The following RGPD4 variants were observed in gnomAD, a reference collection of about 807,000 sequenced individuals.
The protein encoded by RGPD4 is RANBP2 like and GRIP domain containing 4, also known as ranBP2-like and GRIP domain-containing protein 4.
RGPD4 carries 84 observed loss-of-function variants against 141.1 expected under a neutral mutation model. That is an observed-to-expected ratio of 0.60 (90% CI 0.50 to 0.71). The LOEUF (loss-of-function observed/expected upper bound fraction) is 0.71. Ranked by LOEUF, RGPD4 falls within the 30% of genes least tolerant of loss-of-function variation. The pLI is 0.00. For synonymous variants in RGPD4, 298 were observed against 566.8 expected, an observed-to-expected ratio of 0.53 and a Z score of 6.74; for missense variants, 918 against 1,622.4, an observed-to-expected ratio of 0.57 and a Z score of 7.46.
In RGPD4 at chr2:107,876,485, G is replaced by C. The variant is rs188123853; in HGVS notation, c.4925-3483G>C. On this transcript the variant is annotated intron_variant, in intron 20 of 22. Transcript: ENST00000408999. ...ACTTTTTAAATAGAAACATTAGCTA[G>C]AGCAAGGAACTTAGAAACACTCAAG... Among the ~76,000 whole-genome samples the C allele has an allele frequency of 2.4e-3, 358 of 151,614 alleles. 3 individuals carry two copies. The highest frequency in any genetic ancestry group is 1.7e-3 in the Non-Finnish European group (118 of 67,926).
In RGPD4 at chr2:107,891,874, A is replaced by T. The variant is rs1325927322; in HGVS notation, c.*1143A>T. On this transcript the variant is annotated 3_prime_UTR_variant, in exon 23 of 23. Coordinates refer to ENST00000408999, the MANE Select transcript of RGPD4 (RefSeq NM_182588.3). The stretch of plus-strand genomic sequence containing the variant: ...CCTTAGAGGTCCGTGCTACATCTTC[A>T]CAGTTCCTCTGAATAACCTTAGGTG... Among the ~76,000 whole-genome samples the T allele has an allele frequency of 8.3e-6, 1 of 120,598 alleles. No homozygotes were observed. Among genetic ancestry groups the T allele is most frequent in the Non-Finnish European group, 1.8e-5 (1 of 54,262 alleles). 79.1% of individuals were successfully genotyped at this position (120,598 alleles called of 152,430 possible).
chr2:107,885,516 A>T (rs1348744180), intron 22 of RGPD4, among the ~76,000 whole-genome samples: 1 of 152,280 alleles, frequency 6.6e-6, no homozygotes, highest in Admixed American at 6.5e-5. Flanking sequence ...CCTAAGGGAT[A>T]CCAAGAACAG....
intron 17 of RGPD4, among the ~76,000 whole-genome samples, chr2:107,863,693 A>AT (rs1682635569): frequency 6.6e-6 from 1 of 151,668 alleles, no homozygotes; most frequent in Admixed American, 6.6e-5. Context: ...GAGTTTCACC[A>AT]TGTTGGCCAG....
At chr2:107,849,213 C>T (rs1473763774) in intron 7 of RGPD4, among the ~76,000 whole-genome samples, 1 of 75,416 alleles carries the variant, frequency 1.3e-5, no homozygotes, top group African/African-American at 6.0e-5. Flanking sequence ...TGCTACCAAG[C>T]CCAGCTAATT....
In RGPD4 at chr2:107,891,797, G is replaced by GT; in HGVS notation, c.*1071dup. Among the ~76,000 whole-genome samples the GT allele has an allele frequency of 7.6e-6, 1 of 132,078 alleles. No individual in the cohort carries two copies. Among genetic ancestry groups the GT allele is most frequent in the African/African-American group, 2.8e-5 (1 of 36,100 alleles). 86.6% of individuals were successfully genotyped at this position (132,078 alleles called of 152,430 possible). A position where few individuals can be genotyped will look rare whatever the true frequency, so the allele number is the denominator to read the frequency against. ...TAAATATAAAAGTGGTGCTTTCAGT[G>GT]TTTTTGGCAGATAGTGTTCCATAAG... On this transcript the variant is annotated 3_prime_UTR_variant, in exon 23 of 23. Transcript: ENST00000408999.
At chr2:107,866,990 C>A (rs1277519422) in intron 18 of RGPD4, among the ~76,000 whole-genome samples, 2 of 149,048 alleles carry the variant, frequency 1.3e-5, no homozygotes, top group Admixed American at 1.3e-4. Flanking sequence ...TGGCTATGTG[C>A]AAAAGTGCTT....
At chr2:107,844,604 G>A (rs551630902) in intron 6 of RGPD4, among the ~76,000 whole-genome samples, 5,042 of 143,888 alleles carry the variant, frequency 0.035, 144 homozygotes, top group African/African-American at 0.13. Context: ...CAGGGAGTAG[G>A]TAATTTTCTT....
At chr2:107,829,607 C>T (rs1317463484) in intron 1 of RGPD4, among the ~76,000 whole-genome samples, 3 of 150,262 alleles carry the variant, frequency 2.0e-5, no homozygotes, top group African/African-American at 2.5e-5. Flanking sequence ...TGCTCCCAGG[C>T]GGGCTCTGTT....
chr2:107,844,443 C>G (rs1480995705), intron 6 of RGPD4, among the ~76,000 whole-genome samples: 1 of 152,230 alleles, frequency 6.6e-6, no homozygotes, highest in East Asian at 1.9e-4. Context: ...TGAGTGGTTG[C>G]AGCAGAGATT....
At chr2:107,845,523 C>G (rs1342016949) in intron 6 of RGPD4, among the ~76,000 whole-genome samples, 1 of 150,786 alleles carries the variant, frequency 6.6e-6, no homozygotes. Context: ...AAGGGAGGAC[C>G]CTGAGGAAGA....
In RGPD4 at chr2:107,891,108, A is replaced by T. The variant is rs1675645594; in HGVS notation, c.*377A>T. Among the ~76,000 whole-genome samples the T allele has an allele frequency of 6.9e-6, 1 of 144,948 alleles. No homozygotes were observed. Among genetic ancestry groups the T allele is most frequent in the Non-Finnish European group, 1.5e-5 (1 of 66,754 alleles). On this transcript the variant is annotated 3_prime_UTR_variant, in exon 23 of 23. Coordinates refer to ENST00000408999, the MANE Select transcript of RGPD4 (RefSeq NM_182588.3). Reference sequence around the variant, plus strand: ...CGCCCATTTCTCGGCAGTACTGTGAATTTTGAAGTTAAACTAAATTTTGGT... The same window carrying T: ...CGCCCATTTCTCGGCAGTACTGTGATTTTTGAAGTTAAACTAAATTTTGGT...
intron 1 of RGPD4, among the ~76,000 whole-genome samples, chr2:107,831,353 G>T (rs917075083): frequency 1.4e-5 from 2 of 143,850 alleles, no homozygotes; most frequent in Non-Finnish European, 3.1e-5. Context: ...TTTTAGAATA[G>T]GGTCTTGCTA....
At chr2:107,865,730 A>C (rs2104475768) in intron 17 of RGPD4, among the ~76,000 whole-genome samples, 1 of 150,800 alleles carries the variant, frequency 6.6e-6, no homozygotes, top group East Asian at 1.9e-4. Flanking sequence ...ATATTTTAAA[A>C]TCAGCACCAG....
chr2:107,876,968 A>G (rs1210081733), intron 20 of RGPD4, among the ~76,000 whole-genome samples: 16 of 152,034 alleles, frequency 1.1e-4, no homozygotes, highest in African/African-American at 3.9e-4. Flanking sequence ...AATCTAGATT[A>G]CAATTCTGGT....
chr2:107,862,486 T>C (rs1682576690), intron 15 of RGPD4, among the ~76,000 whole-genome samples, 196 bp from the exon 16 acceptor site: 1 of 152,056 alleles, frequency 6.6e-6, no homozygotes, highest in Non-Finnish European at 1.5e-5. Flanking sequence ...GACAAAAAAA[T>C]AAAAATAATA....
Position 107,882,788 on chromosome 2 carries a change from T to C in RGPD4, c.5181T>C (p.Ser1727=). The change falls in exon 22 of 23, where the codon AGT becomes AGC. Residue 1727 remains serine (S), a synonymous_variant. Transcript: ENST00000408999. ...LLQFIFLKPG[S]ERERLLPVIN... is the part of the protein sequence containing the mutation. ...AGTTCATTTTCTTGAAGCCAGGTAG[T>C]GAAAGAGAGAGACTTCTTCCTGTTA... is the stretch of plus-strand genomic sequence containing the variant. 1 of 1,611,292 alleles carries C rather than the reference T, an allele frequency of 6.2e-7. No individual in the cohort carries two copies. The highest frequency in any genetic ancestry group is 8.5e-7 in the Non-Finnish European group (1 of 1,179,812).
intron 18 of RGPD4, among the ~76,000 whole-genome samples, chr2:107,869,293 A>G (rs1188569284): frequency 1.4e-5 from 1 of 71,848 alleles, no homozygotes; most frequent in African/African-American, 6.1e-5. Context: ...TTCCTGGTAA[A>G]ACAGACCAAA....
In RGPD4 at chr2:107,827,979, C is replaced by T. The variant is rs1341280627; in HGVS notation, c.72+894C>T. 2.4e-4 allele frequency among the ~76,000 whole-genome samples: 10 copies of T among 40,876 alleles called. 1 individual carries two copies. Among genetic ancestry groups the T allele is most frequent in the African/African-American group, 6.7e-4 (5 of 7,516 alleles). 26.8% of individuals were successfully genotyped at this position (40,876 alleles called of 152,430 possible). On this transcript the variant is annotated intron_variant, in intron 1 of 22. Coordinates refer to ENST00000408999, the MANE Select transcript of RGPD4 (RefSeq NM_182588.3). ...TCCCGACGGGCGCTGCTCCCTGACGCGCTCTGTTGAGGCGGCGGCCTCGAC... is the reference window on the plus strand; with the variant it reads ...TCCCGACGGGCGCTGCTCCCTGACGTGCTCTGTTGAGGCGGCGGCCTCGAC...
intron 2 of RGPD4, among the ~76,000 whole-genome samples, chr2:107,837,187 GCT>G (rs1681693044): frequency 8.0e-5 from 4 of 49,690 alleles, no homozygotes; most frequent in Admixed American, 1.7e-4. Context: ...AGGGAGGCAG[GCT>G]TTTTTTTTTT....
Sources: gnomAD v4.1 joint callset for allele counts (sites outside exome capture counted in the v4.1 genomes callset) on GRCh38, gnomAD v4.1.1 for gene constraint, MANE v1.5 for transcripts, NCBI Gene and HGNC (gene_info 2026-07-23, HGNC 2026-07-21) for gene names.